Variants in INPP4B observed in about 807,000 individuals in gnomAD.
The protein encoded by INPP4B is inositol polyphosphate 4-phosphatase type II.
A neutral mutation model predicts 122.5 loss-of-function variants in INPP4B; 55 were observed. That is an observed-to-expected ratio of 0.45 (90% CI 0.36 to 0.56). The LOEUF (loss-of-function observed/expected upper bound fraction) is 0.56, where lower values mean the gene tolerates loss of function less well. INPP4B is among the 20% of genes least tolerant of loss of function. The probability of loss-of-function intolerance (pLI) is 0.00; values close to 1 mark genes in which losing one functional copy is unlikely to be tolerated. For missense variants in INPP4B, 1,000 were observed against 1,097.7 expected (o/e 0.91, Z 1.26); for synonymous variants, 403 against 388.7 (o/e 1.04, Z -0.43).
chr4:142,434,625 C>G (rs1462033525), intron 3 of INPP4B, among the ~76,000 whole-genome samples: 1 of 152,106 alleles, frequency 6.6e-6, no homozygotes, highest in African/African-American at 2.4e-5. Flanking sequence ...TAGCACATGT[C>G]TCTGATAAAA....
chr4:142,721,727 A>T (rs1406058447), intron 2 of INPP4B, among the ~76,000 whole-genome samples: 1 of 152,108 alleles, frequency 6.6e-6, no homozygotes, highest in Non-Finnish European at 1.5e-5. Flanking sequence ...AGGCTGAGGC[A>T]GGAGAATTGC....
chr4:142,671,978 T>A (rs559470140), intron 2 of INPP4B, among the ~76,000 whole-genome samples: 1 of 152,292 alleles, frequency 6.6e-6, no homozygotes, highest in East Asian at 1.9e-4. Context: ...TATGGTTTTG[T>A]CTTTTCCAGA....
chr4:142,474,344 A>C (rs1819454232), intron 2 of INPP4B: 1 of 151,994 alleles, frequency 6.6e-6, no homozygotes, highest in Admixed American at 6.6e-5. Flanking sequence ...CCTTGCCTCA[A>C]ACTGCAGGTA....
At chr4:142,216,875 C>A (rs546552510) in intron 12 of INPP4B, among the ~76,000 whole-genome samples, 1 of 152,154 alleles carries the variant, frequency 6.6e-6, no homozygotes, top group South Asian at 2.1e-4. Context: ...AGAAAAGTAA[C>A]CAAATGTGCT....
rs1158290884 is a variant in INPP4B at position 142,333,010 on chromosome 4, C to CAAA, written c.373-18251_373-18249dup. ...TGGGCGACAGAGCAAGACTCCGTCTCAAAAAAAAAAAAAAAAACAAAAAAA... is the reference window on the plus strand; with the variant it reads ...TGGGCGACAGAGCAAGACTCCGTCTCAAAAAAAAAAAAAAAAAAAACAAAAAAA... On this transcript the variant is annotated intron_variant, in intron 7 of 25. Coordinates refer to ENST00000262992, the MANE Select transcript of INPP4B (RefSeq NM_001101669.3). Among the ~76,000 whole-genome samples the CAAA allele has an allele frequency of 1.0e-3, 45 of 43,362 alleles. 1 individual carries two copies. Among genetic ancestry groups the CAAA allele is most frequent in the African/African-American group, 1.9e-3 (26 of 13,836 alleles). The allele number at this position is 43,362 out of a possible 152,430, so 28.4% of individuals were successfully genotyped here. A position where few individuals can be genotyped will look rare whatever the true frequency, so the allele number is the denominator to read the frequency against.
chr4:142,621,026 T>C (rs1225568253), intron 2 of INPP4B, among the ~76,000 whole-genome samples: 1 of 151,934 alleles, frequency 6.6e-6, no homozygotes, highest in East Asian at 1.9e-4. Flanking sequence ...GGAGCTTTTT[T>C]TTTAAATCTA....
Position 142,275,577 on chromosome 4 carries a change from G to A in INPP4B, c.504-4803C>T, listed in dbSNP as rs186169605. Among the ~76,000 whole-genome samples, 93 of 151,824 alleles carry A rather than the reference G, an allele frequency of 6.1e-4. 2 individuals carry two copies. In the East Asian group the frequency reaches 0.014, roughly 23 times the overall value. ...GTGACTGCACCCTGATGATCTTTCT[G>A]GTGAATATAATTATACAGCAGTGCA... On this transcript the variant is annotated intron_variant, in intron 9 of 25. Coordinates refer to ENST00000262992, the MANE Select transcript of INPP4B (RefSeq NM_001101669.3).
intron 25 of INPP4B, among the ~76,000 whole-genome samples, chr4:142,037,239 A>G (rs1207826979): frequency 6.6e-6 from 1 of 152,194 alleles, no homozygotes. Flanking sequence ...GACATGTCTC[A>G]CTTTTAAACA....
At chr4:142,310,271 T>C (rs1349113305) in intron 8 of INPP4B, among the ~76,000 whole-genome samples, 3 of 152,106 alleles carry the variant, frequency 2.0e-5, no homozygotes, top group African/African-American at 7.2e-5. Flanking sequence ...CAGTATAAAA[T>C]GCACACTGAA....
At chr4:142,603,877 T>A (rs967386738) in intron 2 of INPP4B, among the ~76,000 whole-genome samples, 10 of 148,970 alleles carry the variant, frequency 6.7e-5, no homozygotes, top group Non-Finnish European at 1.5e-4. Flanking sequence ...AAGAACAGAA[T>A]TATCCTAATA....
intron 9 of INPP4B, among the ~76,000 whole-genome samples, chr4:142,297,443 G>A (rs1220160952): frequency 1.3e-5 from 2 of 152,172 alleles, no homozygotes; most frequent in African/African-American, 2.4e-5. Flanking sequence ...TGGAGTCATG[G>A]GGGCAAATTC....
chr4:142,214,417 G>A (rs1451404250), intron 12 of INPP4B, among the ~76,000 whole-genome samples: 1 of 152,082 alleles, frequency 6.6e-6, no homozygotes, highest in South Asian at 2.1e-4. Flanking sequence ...TTCTTGAACG[G>A]GCCCCACTTG....
At chr4:142,646,595 C>T (rs1240999330) in intron 2 of INPP4B, among the ~76,000 whole-genome samples, 2 of 152,082 alleles carry the variant, frequency 1.3e-5, no homozygotes, top group African/African-American at 4.8e-5. Flanking sequence ...GCTTTACTTC[C>T]TAAGTATCCA....
chr4:142,541,430 G>A (rs1476835537), intron 2 of INPP4B, among the ~76,000 whole-genome samples: 1 of 152,096 alleles, frequency 6.6e-6, no homozygotes, highest in Non-Finnish European at 1.5e-5. Flanking sequence ...TTGTACACTG[G>A]AGCCCAGAAA....
At chr4:142,813,080 G>C (rs934203130) in intron 1 of INPP4B, among the ~76,000 whole-genome samples, 1 of 152,016 alleles carries the variant, frequency 6.6e-6, no homozygotes, top group Non-Finnish European at 1.5e-5. Flanking sequence ...AACCAGTCTC[G>C]CTATAGAAGG....
At chr4:142,254,084 A>G (rs762477675) in intron 11 of INPP4B, among the ~76,000 whole-genome samples, 1 of 152,128 alleles carries the variant, frequency 6.6e-6, no homozygotes, top group African/African-American at 2.4e-5. Context: ...GGCACCCCCC[A>G]GCAGGGGCAG....
chr4:142,220,715 A>G (rs2149696085), intron 12 of INPP4B, among the ~76,000 whole-genome samples: 1 of 152,114 alleles, frequency 6.6e-6, no homozygotes, highest in East Asian at 1.9e-4. Flanking sequence ...ACAGAAATTT[A>G]TTTTCACAGA....
chr4:142,471,291 CT>C (rs537704915), intron 2 of INPP4B, among the ~76,000 whole-genome samples: 40 of 151,462 alleles, frequency 2.6e-4, no homozygotes, highest in African/African-American at 8.5e-4. Context: ...ACAGCTATAG[CT>C]TTTTTTTTAA....
At chr4:142,084,798 G>A (rs1319371693) in intron 24 of INPP4B, among the ~76,000 whole-genome samples, 3 of 152,098 alleles carry the variant, frequency 2.0e-5, no homozygotes, top group African/African-American at 7.3e-5. Context: ...GTTTATACAT[G>A]TGTATCCTTA....
Sources: gnomAD v4.1 joint callset for allele counts (sites outside exome capture counted in the v4.1 genomes callset) on GRCh38, gnomAD v4.1.1 for gene constraint, MANE v1.5 for transcripts, NCBI Gene and HGNC (gene_info 2026-07-23, HGNC 2026-07-21) for gene names.